The following NEBL variants were observed in gnomAD, a reference collection of about 807,000 sequenced individuals.
The protein encoded by NEBL is nebulette, also known as LIM and SH3 protein 2.
Under a neutral mutation model 140.2 loss-of-function variants are expected in NEBL, and 122 were observed. That is an observed-to-expected ratio of 0.87 (90% CI 0.75 to 1.01). The LOEUF is 1.01. Ranked by LOEUF, NEBL falls within the 50% of genes least tolerant of loss-of-function variation. NEBL has a pLI of 0.00. For missense variants in NEBL, 1,365 were observed against 1,231.3 expected (o/e 1.11, Z -1.62); for synonymous variants, 436 against 398.9 (o/e 1.09, Z -1.11).
Position 21,027,088 on chromosome 10 carries a change from C to T in NEBL, c.165-6887G>A, listed in dbSNP as rs559923390. Among the ~76,000 whole-genome samples, 339 of 152,220 alleles carry T rather than the reference C, an allele frequency of 2.2e-3. 2 individuals carry two copies. Among genetic ancestry groups the T allele is most frequent in the Admixed American group, 4.9e-3 (75 of 15,288 alleles). ...TGCTTCCTCCTGACATGTCCCCATG[C>T]ATTTTACCTTTGCTGATTTTGCTCT... On this transcript the variant is annotated intron_variant, in intron 2 of 6. Transcript: ENST00000417816.
In NEBL at chr10:20,943,400, T is replaced by C. The variant is rs556337952; in HGVS notation, c.357+18272A>G. 3.3e-5 allele frequency among the ~76,000 whole-genome samples: 5 copies of C among 152,116 alleles called. No homozygotes were observed. In the South Asian group the frequency reaches 8.3e-4, roughly 25 times the overall value. On this transcript the variant is annotated intron_variant, in intron 4 of 6. Coordinates refer to the NEBL transcript ENST00000417816. ...GTGGGAACCGAACAATGAGAACACA[T>C]GGACACAGGAAGGGGAACATCACAC...
chr10:20,881,805 T>TAACA (rs1846032818), intron 4 of NEBL, among the ~76,000 whole-genome samples: 1 of 151,954 alleles, frequency 6.6e-6, no homozygotes, highest in South Asian at 2.1e-4. Context: ...AATAAAACAA[T>TAACA]AACAAATGAA....
chr10:21,187,292 T>G (rs113232352), intron 3 of NEBL, among the ~76,000 whole-genome samples: 63 of 152,188 alleles, frequency 4.1e-4, no homozygotes, highest in African/African-American at 1.5e-3. Context: ...GTCTCAGATA[T>G]TTCTTCATAA....
intron 3 of NEBL, among the ~76,000 whole-genome samples, chr10:21,015,902 C>T (rs943725256): frequency 1.3e-5 from 2 of 152,194 alleles, no homozygotes; most frequent in East Asian, 1.9e-4. Context: ...TGTTCCAAAA[C>T]TTTTGTTTCT....
intron 2 of NEBL, among the ~76,000 whole-genome samples, chr10:21,144,195 G>A (rs1239343280): frequency 6.6e-6 from 1 of 152,226 alleles, no homozygotes; most frequent in Non-Finnish European, 1.5e-5. Context: ...AAGGAACAAA[G>A]ACACAGTCAT....
rs115707814 is a variant in NEBL, at chr10:21,102,822, T to C, written c.164+69561A>G. ...TGTTTGCACACATGTTTTTTGTTTG[T>C]TTGTTTTATTTTTATTTTTATAGTT... On this transcript the variant is annotated intron_variant, in intron 2 of 6. Transcript: ENST00000417816. Among the ~76,000 whole-genome samples the C allele has an allele frequency of 4.4e-3, 668 of 152,314 alleles. 10 individuals carry two copies. The highest frequency in any genetic ancestry group is 0.015 in the African/African-American group (631 of 41,572).
chr10:20,808,362 AG>A, intron 26 of NEBL, 147 bp downstream of exon 26: 34 of 815,718 alleles, frequency 4.2e-5, no homozygotes, highest in Middle Eastern at 3.7e-4. Context: ...AAAAAAAAAA[AG>A]ACTATTAACT....
At chr10:20,982,414 G>A (rs1837088592) in intron 3 of NEBL, among the ~76,000 whole-genome samples, 1 of 152,076 alleles carries the variant, frequency 6.6e-6, no homozygotes, top group Non-Finnish European at 1.5e-5. Context: ...AGAATTTGCT[G>A]GGGTGTTACT....
chr10:21,022,042 G>A (rs1838820009), intron 2 of NEBL, among the ~76,000 whole-genome samples: 1 of 152,132 alleles, frequency 6.6e-6, no homozygotes, highest in African/African-American at 2.4e-5. Flanking sequence ...GTGAGGAGAT[G>A]GCATTTCCTC....
At chr10:20,822,898 A>T (rs1435613098) in intron 19 of NEBL, among the ~76,000 whole-genome samples, 1 of 152,170 alleles carries the variant, frequency 6.6e-6, no homozygotes, top group African/African-American at 2.4e-5. Flanking sequence ...GATAGTGTAC[A>T]TTGTACCCAA....
intron 4 of NEBL, among the ~76,000 whole-genome samples, chr10:20,909,399 G>A (rs1288801446): frequency 6.6e-6 from 1 of 151,872 alleles, no homozygotes; most frequent in Non-Finnish European, 1.5e-5. Context: ...AACATGCAAT[G>A]TTTGTCTTTC....
intron 2 of NEBL, among the ~76,000 whole-genome samples, chr10:21,117,518 C>T (rs1303585183): frequency 6.6e-6 from 1 of 152,116 alleles, no homozygotes; most frequent in East Asian, 1.9e-4. Context: ...ATACGTTATT[C>T]CTGTGCCTCA....
chr10:21,015,667 A>G (rs184981976), intron 3 of NEBL, among the ~76,000 whole-genome samples: 1 of 152,142 alleles, frequency 6.6e-6, no homozygotes, highest in African/African-American at 2.4e-5. Flanking sequence ...ATGCACTATC[A>G]TGCCCTAATT....
intron 1 of NEBL, among the ~76,000 whole-genome samples, chr10:21,287,365 A>G (rs1843070530): frequency 4.6e-5 from 7 of 152,036 alleles, no homozygotes; most frequent in Admixed American, 2.0e-4. Context: ...GTAAAACCCC[A>G]TCTCTCCCAA....
chr10:20,979,578 G>C (rs947995839), intron 3 of NEBL, among the ~76,000 whole-genome samples: 1 of 152,202 alleles, frequency 6.6e-6, no homozygotes, highest in African/African-American at 2.4e-5. Context: ...GTACAGAGTA[G>C]AATTGCATCG....
At chr10:21,123,063 T>C (rs1377151768) in intron 2 of NEBL, among the ~76,000 whole-genome samples, 1 of 152,310 alleles carries the variant, frequency 6.6e-6, no homozygotes, top group African/African-American at 2.4e-5. Flanking sequence ...TGGGATTTCA[T>C]CCATGCTTAA....
At position 21,227,701 on chromosome 10, in the gene NEBL, C is replaced by CT. The variant is rs1431306944; in HGVS notation, n.348+20219dup. On this transcript the variant is annotated intron_variant and non_coding_transcript_variant, in intron 3 of 8. Coordinates refer to the NEBL transcript ENST00000675702. ...TCTTCTTCTTCTTCTTCTTCTTCTTCTTCTTCTTCTTTCTTCTTCTTCTTC... is the reference window on the plus strand; with the variant it reads ...TCTTCTTCTTCTTCTTCTTCTTCTTCTTTCTTCTTCTTTCTTCTTCTTCTTC... Among the ~76,000 whole-genome samples, 420 of 81,774 alleles carry CT rather than the reference C, an allele frequency of 5.1e-3. 2 individuals carry two copies. Among genetic ancestry groups the CT allele is most frequent in the African/African-American group, 0.012 (188 of 16,082 alleles). 53.6% of individuals were successfully genotyped at this position (81,774 alleles called of 152,430 possible). A position where few individuals can be genotyped will look rare whatever the true frequency, so the allele number is the denominator to read the frequency against.
intron 11 of NEBL, among the ~76,000 whole-genome samples, chr10:20,847,263 A>G (rs1308520104): frequency 6.6e-6 from 1 of 152,152 alleles, no homozygotes; most frequent in East Asian, 1.9e-4. Flanking sequence ...GATACTTTCT[A>G]CTGAAAGATT....
intron 26 of NEBL, among the ~76,000 whole-genome samples, chr10:20,803,774 C>T (rs901939845): frequency 6.7e-6 from 1 of 148,882 alleles, no homozygotes; most frequent in African/African-American, 2.5e-5. Flanking sequence ...TTCAAAGCCA[C>T]TGAGAAATCA....
Sources: allele counts gnomAD v4.1 joint callset (sites outside exome capture counted in the v4.1 genomes callset), GRCh38; gene constraint gnomAD v4.1.1; transcripts MANE v1.5; gene names NCBI Gene and HGNC (gene_info 2026-07-23, HGNC 2026-07-21).